Variants in MTUS2 observed in about 807,000 individuals in gnomAD.
The protein encoded by MTUS2 is microtubule-associated tumor suppressor candidate 2.
MTUS2 carries 40 observed loss-of-function variants against 114.1 expected under a neutral mutation model. The ratio of observed to expected loss-of-function variants is 0.35; its 90% CI spans 0.27 to 0.46. The LOEUF is 0.46. Ranked by LOEUF, MTUS2 falls within the 20% of genes least tolerant of loss-of-function variation. The probability of loss-of-function intolerance (pLI) is 1.00; values close to 1 mark genes in which losing one functional copy is unlikely to be tolerated. For synonymous variants in MTUS2, 688 were observed against 672.0 expected (o/e 1.02, Z -0.37); for missense variants, 1,679 against 1,705.4 (o/e 0.98, Z 0.27).
At chr13:28,877,374 A>G (rs967105706) in intron 2 of MTUS2, among the ~76,000 whole-genome samples, 2 of 151,900 alleles carry the variant, frequency 1.3e-5, no homozygotes, top group Admixed American at 6.6e-5. Context: ...TTATTTCGCT[A>G]TTAATGGAAT....
chr13:29,134,990 C>T (rs1469140276), intron 5 of MTUS2, among the ~76,000 whole-genome samples: 2 of 152,178 alleles, frequency 1.3e-5, no homozygotes, highest in South Asian at 2.1e-4. Flanking sequence ...GTTTCAATTA[C>T]CTACTTCAAC....
intron 2 of MTUS2, among the ~76,000 whole-genome samples, chr13:28,900,943 A>G (rs1879609994): frequency 6.6e-6 from 1 of 152,226 alleles, no homozygotes; most frequent in Admixed American, 6.5e-5. Context: ...TTGCATGTCT[A>G]GGCTTTTAAA....
At chr13:29,090,862 A>G (rs1889913183) in intron 4 of MTUS2, among the ~76,000 whole-genome samples, 1 of 152,184 alleles carries the variant, frequency 6.6e-6, no homozygotes, top group Non-Finnish European at 1.5e-5. Context: ...TTTGGGACCC[A>G]TGCAGACTGG....
At chr13:28,840,146 G>T (rs1005985427) in intron 2 of MTUS2, among the ~76,000 whole-genome samples, 1 of 151,904 alleles carries the variant, frequency 6.6e-6, no homozygotes, top group African/African-American at 2.4e-5. Context: ...TTACTTAGTA[G>T]TAATTAATCT....
intron 5 of MTUS2, among the ~76,000 whole-genome samples, chr13:29,200,674 C>G (rs961097430): frequency 6.6e-5 from 10 of 152,100 alleles, no homozygotes; most frequent in Admixed American, 5.2e-4. Context: ...GCACACACCA[C>G]CATGCCCAGT....
At chr13:28,992,049 C>T (rs1884884553) in intron 2 of MTUS2, among the ~76,000 whole-genome samples, 1 of 152,210 alleles carries the variant, frequency 6.6e-6, no homozygotes, top group Admixed American at 6.5e-5. Context: ...CAGTCTGCTC[C>T]TTTGTGGGCC....
At chr13:28,958,760 T>A (rs746831304) in intron 2 of MTUS2, among the ~76,000 whole-genome samples, 14 of 152,182 alleles carry the variant, frequency 9.2e-5, no homozygotes, top group Non-Finnish European at 1.9e-4. Flanking sequence ...CAAGTGAATC[T>A]TTTGGAATAA....
At chr13:29,046,072 ACTATTCTACT>A (rs1887601735) in intron 4 of MTUS2, among the ~76,000 whole-genome samples, 1 of 150,288 alleles carries the variant, frequency 6.7e-6, no homozygotes, top group South Asian at 2.1e-4. Context: ...TAGACACCCC[ACTATTCTACT>A]ACAAAGGCCA....
At chr13:28,923,137 TAAAAC>T (rs1881141192) in intron 2 of MTUS2, among the ~76,000 whole-genome samples, 1 of 152,228 alleles carries the variant, frequency 6.6e-6, no homozygotes, top group Admixed American at 6.5e-5. Flanking sequence ...ATCCCCGAAT[TAAAAC>T]AAATTCTGCT....
intron 2 of MTUS2, among the ~76,000 whole-genome samples, chr13:28,947,918 T>A (rs995043377): frequency 2.6e-5 from 4 of 152,216 alleles, no homozygotes; most frequent in Admixed American, 2.6e-4. Context: ...CACATGGTTA[T>A]TTTTTGTGGT....
At chr13:29,375,150 C>G (rs1871480306) in intron 8 of MTUS2, among the ~76,000 whole-genome samples, 1 of 151,888 alleles carries the variant, frequency 6.6e-6, no homozygotes, top group South Asian at 2.1e-4. Flanking sequence ...AAGAAACTCA[C>G]TGGGTGGAAA....
chr13:29,187,384 C>CA (rs1894270698), intron 5 of MTUS2, among the ~76,000 whole-genome samples: 2 of 151,930 alleles, frequency 1.3e-5, no homozygotes, highest in Non-Finnish European at 1.5e-5. Context: ...AGAGAAGACT[C>CA]AAATGACTAA....
At chr13:29,081,548 G>A (rs1253974217) in intron 4 of MTUS2, among the ~76,000 whole-genome samples, 1 of 151,246 alleles carries the variant, frequency 6.6e-6, no homozygotes, top group Non-Finnish European at 1.5e-5. Flanking sequence ...TACTATCAGT[G>A]TCTGGAACTC....
intron 8 of MTUS2, among the ~76,000 whole-genome samples, chr13:29,383,252 G>GTGTGTATATATATA (rs5802519): frequency 7.4e-6 from 1 of 135,918 alleles, no homozygotes; most frequent in Admixed American, 7.4e-5. Context: ...GTGTGTGTGT[G>GTGTGTATATATATA]TATTTATTTT....
At position 29,146,815 on chromosome 13, in the gene MTUS2, C is replaced by A. The variant is rs1207777302; in HGVS notation, c.2644+45845C>A. Among the ~76,000 whole-genome samples the A allele has an allele frequency of 2.0e-5, 3 of 152,108 alleles. 1 individual carries two copies. Among genetic ancestry groups the A allele is most frequent in the Non-Finnish European group, 1.5e-5 (1 of 68,012 alleles). ...TCTTCTACCTGTGACATGGGAAGCA[C>A]AATATGTTGCAGGATTGTTTTAAGG... On this transcript the variant is annotated intron_variant, in intron 5 of 15. Coordinates refer to ENST00000612955, the MANE Select transcript of MTUS2 (RefSeq NM_001033602.4).
intron 3 of MTUS2, among the ~76,000 whole-genome samples, chr13:29,031,305 A>ATGTC (rs1355204422): frequency 2.3e-4 from 2 of 8,866 alleles, no homozygotes; most frequent in African/African-American, 4.3e-4. Context: ...ATCTATACTT[A>ATGTC]TGTCTCTCAA....
intron 5 of MTUS2, among the ~76,000 whole-genome samples, chr13:29,259,959 C>T (rs1480513258): frequency 6.6e-6 from 1 of 152,238 alleles, no homozygotes; most frequent in Non-Finnish European, 1.5e-5. Context: ...GTACCCAGTG[C>T]TGTGGCAGCA....
intron 6 of MTUS2, among the ~76,000 whole-genome samples, chr13:29,295,121 CT>C (rs574096841): frequency 0.012 from 1,664 of 143,238 alleles, 9 homozygotes; most frequent in African/African-American, 0.018. Context: ...TGGCTGTTGC[CT>C]TTTTTTTTTT....
Position 29,359,339 on chromosome 13 carries a change from C to T in MTUS2, c.2983C>T (p.Arg995Trp), listed in dbSNP as rs764265852. The change falls in exon 8 of 16, where the codon CGG (arginine) becomes TGG (tryptophan). Residue 995 changes from arginine (R) to tryptophan (W), a missense_variant. Arg to Trp is a moderately radical substitution (Grantham distance 101, BLOSUM62 -3). Transcript: ENST00000612955. ...KPDPQAREAE[R>W]QLVLRLKERC... ...GGACCCGCAGGCCCGTGAGGCTGAG[C>T]GGCAGCTGGTGCTGCGGCTGAAGGA... 20 of 1,611,068 alleles carry T rather than the reference C, an allele frequency of 1.2e-5. No homozygotes were observed. The highest frequency in any genetic ancestry group is 8.4e-5 in the Admixed American group (5 of 59,576).
Sources: allele counts gnomAD v4.1 joint callset (sites outside exome capture counted in the v4.1 genomes callset), GRCh38; gene constraint gnomAD v4.1.1; transcripts MANE v1.5; gene names NCBI Gene and HGNC (gene_info 2026-07-23, HGNC 2026-07-21).